PLCB4: variants seen among roughly 807,000 people sequenced by gnomAD.
PLCB4 encodes 1-phosphatidylinositol 4,5-bisphosphate phosphodiesterase beta-4.
In PLCB4, 77 loss-of-function variants were observed where a neutral mutation model predicts 178.8. The ratio of observed to expected loss-of-function variants is 0.43; its 90% confidence interval spans 0.36 to 0.52. The LOEUF is 0.52. PLCB4 is among the 20% of genes least tolerant of loss of function. PLCB4 has a pLI of 0.00. For synonymous variants in PLCB4, 496 were observed against 490.8 expected, an observed-to-expected ratio of 1.01 and a Z score of -0.14; for missense variants, 1,024 against 1,453.4, an observed-to-expected ratio of 0.70 and a Z score of 4.80.
chr20:9,392,710 T>A (rs534697062), intron 17 of PLCB4, among the ~76,000 whole-genome samples: 1 of 152,266 alleles, frequency 6.6e-6, no homozygotes, highest in South Asian at 2.1e-4. Flanking sequence ...CGTATGGTGC[T>A]TTATTTGTTG....
intron 15 of PLCB4, 101 bp from the exon 16 acceptor site, chr20:9,389,778 A>G (rs1315032307): frequency 1.5e-6 from 1 of 650,068 alleles, no homozygotes; most frequent in Middle Eastern, 4.1e-4. Context: ...AATTGCTGGA[A>G]TTGACTTTCT....
intron 7 of PLCB4, among the ~76,000 whole-genome samples, chr20:9,350,039 A>G (rs113749659): frequency 3.9e-5 from 6 of 152,288 alleles, no homozygotes; most frequent in African/African-American, 1.2e-4. Context: ...AATGATCATA[A>G]TCTGGGGTCG....
At chr20:9,085,413 T>C (rs1207336911) in intron 1 of PLCB4, among the ~76,000 whole-genome samples, 1 of 152,200 alleles carries the variant, frequency 6.6e-6, no homozygotes, top group Non-Finnish European at 1.5e-5. Flanking sequence ...AGCTAGCACG[T>C]AGTAGGCTTT....
At chr20:9,465,742 T>C (rs1478156819) in intron 35 of PLCB4, among the ~76,000 whole-genome samples, 2 of 152,166 alleles carry the variant, frequency 1.3e-5, no homozygotes, top group African/African-American at 4.8e-5. Flanking sequence ...GTGAGGGACC[T>C]CTTCAAGGAG....
At chr20:9,318,075 TG>T (rs2094919559) in intron 4 of PLCB4, among the ~76,000 whole-genome samples, 1 of 151,942 alleles carries the variant, frequency 6.6e-6, no homozygotes, top group Non-Finnish European at 1.5e-5. Flanking sequence ...ACTTGAACCC[TG>T]GGACACAGAT....
intron 20 of PLCB4, among the ~76,000 whole-genome samples, chr20:9,402,227 A>G (rs1421305009): frequency 6.6e-6 from 1 of 152,228 alleles, no homozygotes; most frequent in South Asian, 2.1e-4. Flanking sequence ...GGTGAGTGCA[A>G]TTATGAACAT....
At chr20:9,304,842 T>C (rs1163216219) in intron 3 of PLCB4, among the ~76,000 whole-genome samples, 1 of 151,914 alleles carries the variant, frequency 6.6e-6, no homozygotes, top group African/African-American at 2.4e-5. Flanking sequence ...CTTTTTTCAT[T>C]CCTGCGTTTT....
chr20:9,471,017 T>C (rs1298055368), intron 36 of PLCB4, among the ~76,000 whole-genome samples: 6 of 152,212 alleles, frequency 3.9e-5, no homozygotes, highest in Non-Finnish European at 7.4e-5. Flanking sequence ...GTCATAGCAC[T>C]AAGAAAGATA....
intron 13 of PLCB4, among the ~76,000 whole-genome samples, chr20:9,380,956 T>G (rs2037091388): frequency 6.6e-6 from 1 of 152,206 alleles, no homozygotes. Context: ...TTGTATCTAA[T>G]GCCAGTGAGT....
rs2094887808 is a variant in PLCB4, at chr20:9,315,407, T to A, written c.84+7509T>A. On this transcript the variant is annotated intron_variant, in intron 4 of 39. Transcript: ENST00000378473. ...ATGAACAAGACAAACAAAGTCTCAG[T>A]CCTTTGGGAGTGTATGGTCCAGCGG... Among the ~76,000 whole-genome samples, 3 of 152,186 alleles carry A rather than the reference T, an allele frequency of 2.0e-5. No homozygotes were observed. The South Asian group carries it at 6.2e-4, about 32-fold the overall frequency.
intron 2 of PLCB4, among the ~76,000 whole-genome samples, chr20:9,149,554 C>T (rs1568840812): frequency 1.3e-5 from 2 of 151,646 alleles, no homozygotes; most frequent in African/African-American, 2.4e-5. Flanking sequence ...GTGACATCCA[C>T]GTTATGCAGT....
chr20:9,339,531 TA>T (rs1202333746), intron 7 of PLCB4, among the ~76,000 whole-genome samples: 8 of 152,194 alleles, frequency 5.3e-5, no homozygotes, highest in Admixed American at 1.3e-4. Context: ...AAGATACAGG[TA>T]AAATTAATTT....
intron 38 of PLCB4, 41 bp downstream of exon 38, chr20:9,473,406 C>A (rs757258496): frequency 8.3e-7 from 1 of 1,198,442 alleles, no homozygotes; most frequent in East Asian, 2.4e-5. Flanking sequence ...AGGCAGCTAG[C>A]CAGCTTTGGG....
At position 9,123,420 on chromosome 20, in the gene PLCB4, CTT is replaced by C. The variant is rs11087837; in HGVS notation, c.-79+27090_-79+27091del. On this transcript the variant is annotated intron_variant, in intron 2 of 39. Transcript: ENST00000378473. ...TTTAAGAAACTCCTGGAAATCTCCT[CTT>C]TTTTTTTTTTTATATATATTTCAGC... 2.9e-3 allele frequency among the ~76,000 whole-genome samples: 419 copies of C among 144,386 alleles called. 2 individuals carry two copies. The highest frequency in any genetic ancestry group is 1.0e-2 in the African/African-American group (393 of 39,492). 94.7% of individuals were successfully genotyped at this position (144,386 alleles called of 152,430 possible). A position where few individuals can be genotyped will look rare whatever the true frequency, so the allele number is the denominator to read the frequency against.
rs940884546 is a variant in PLCB4 at position 9,182,688 on chromosome 20, A to G, written c.-78-34702A>G. On this transcript the variant is annotated intron_variant, in intron 2 of 39. Coordinates refer to ENST00000378473, the MANE Select transcript of PLCB4 (RefSeq NM_001377142.1). ...AACTCCCAGCTCAGGCGCCTAGGAC[A>G]TGGGACTTCGGATTTTTAAACTGGG... is the stretch of plus-strand genomic sequence containing the variant. 3.3e-5 allele frequency among the ~76,000 whole-genome samples: 5 copies of G among 152,184 alleles called. No homozygotes were observed. The East Asian group carries it at 7.7e-4, about 24-fold the overall frequency.
intron 2 of PLCB4, among the ~76,000 whole-genome samples, chr20:9,116,325 G>A (rs1198771667): frequency 6.6e-6 from 1 of 151,910 alleles, no homozygotes; most frequent in Non-Finnish European, 1.5e-5. Flanking sequence ...TCTCATGTAT[G>A]TGTCCCTTAT....
At chr20:9,247,328 C>T (rs555212701) in intron 3 of PLCB4, among the ~76,000 whole-genome samples, 1 of 152,300 alleles carries the variant, frequency 6.6e-6, no homozygotes, top group Admixed American at 6.5e-5. Context: ...CTGTTTTCCC[C>T]AGTTGTCATC....
chr20:9,468,764 A>G, intron 36 of PLCB4, 92 bp downstream of exon 36: 1 of 686,284 alleles, frequency 1.5e-6, no homozygotes, highest in Non-Finnish European at 2.6e-6. Flanking sequence ...CACACAACTG[A>G]GACAGCAAAA....
chr20:9,138,555 A>G (rs1158241537), intron 2 of PLCB4, among the ~76,000 whole-genome samples: 2 of 152,086 alleles, frequency 1.3e-5, no homozygotes, highest in Non-Finnish European at 2.9e-5. Flanking sequence ...GTGCACTTAT[A>G]CTAAATTTGC....
Sources: allele counts gnomAD v4.1 joint callset (sites outside exome capture counted in the v4.1 genomes callset), GRCh38; gene constraint gnomAD v4.1.1; transcripts MANE v1.5; gene names NCBI Gene and HGNC (gene_info 2026-07-23, HGNC 2026-07-21).